The following KCTD8 variants were observed in gnomAD, a reference collection of about 807,000 sequenced individuals.
KCTD8 encodes the protein potassium channel tetramerization domain containing 8, also known as BTB/POZ domain-containing protein KCTD8.
KCTD8 carries 27 observed loss-of-function variants against 31.5 expected under a neutral mutation model. The observed-to-expected ratio is 0.86, with a 90% CI of 0.63 to 1.18. The LOEUF (loss-of-function observed/expected upper bound fraction) is 1.18, where lower values mean the gene tolerates loss of function less well. Among genes scored for constraint, KCTD8 ranks in the 50% most tolerant of loss-of-function variants. The probability of loss-of-function intolerance (pLI) is 0.00; values close to 1 mark genes in which losing one functional copy is unlikely to be tolerated. For synonymous variants in KCTD8, 290 were observed against 280.0 expected (o/e 1.04, Z -0.36); for missense variants, 658 against 647.7 (o/e 1.02, Z -0.17).
chr4:44,243,769 T>C (rs962810337), intron 1 of KCTD8, among the ~76,000 whole-genome samples: 5 of 152,104 alleles, frequency 3.3e-5, no homozygotes, highest in Non-Finnish European at 5.9e-5. Flanking sequence ...AGCAAAATAA[T>C]AGGAAGAGAA....
chr4:44,326,380 C>T (rs528019456), intron 1 of KCTD8, among the ~76,000 whole-genome samples: 2 of 151,280 alleles, frequency 1.3e-5, no homozygotes, highest in East Asian at 3.9e-4. Context: ...TATTTTGTAC[C>T]GTGTACTTTT....
chr4:44,213,168 C>A (rs928586812), intron 1 of KCTD8, among the ~76,000 whole-genome samples: 1 of 152,152 alleles, frequency 6.6e-6, no homozygotes, highest in African/African-American at 2.4e-5. Flanking sequence ...GATCTCCTGA[C>A]CTCGTGATCC....
At chr4:44,246,506 AAGGAAGTAGACTTCTTTCGG>A (rs1239955868) in intron 1 of KCTD8, among the ~76,000 whole-genome samples, 1 of 152,076 alleles carries the variant, frequency 6.6e-6, no homozygotes, top group African/African-American at 2.4e-5. Flanking sequence ...AGATAAAGGA[AAGGAAGTAGACTTCTTTCGG>A]AGGAAGTAGG....
chr4:44,256,591 T>C (rs1716000661), intron 1 of KCTD8, among the ~76,000 whole-genome samples: 1 of 151,898 alleles, frequency 6.6e-6, no homozygotes, highest in Non-Finnish European at 1.5e-5. Flanking sequence ...AGAGATTTTG[T>C]TGGTGTGATT....
chr4:44,199,063 T>C (rs1289496314), intron 1 of KCTD8, among the ~76,000 whole-genome samples: 3 of 151,994 alleles, frequency 2.0e-5, no homozygotes, highest in African/African-American at 7.2e-5. Flanking sequence ...AAGGGCATTA[T>C]ATAATAAAAA....
At chr4:44,293,608 C>A in intron 1 of KCTD8, 1 of 344,002 alleles carries the variant, frequency 2.9e-6, no homozygotes, top group Non-Finnish European at 5.6e-6. Flanking sequence ...TGCTAGATTT[C>A]TAGTCTTTAA....
intron 1 of KCTD8, among the ~76,000 whole-genome samples, chr4:44,189,594 T>A (rs1246969082): frequency 6.6e-6 from 1 of 152,090 alleles, no homozygotes; most frequent in African/African-American, 2.4e-5. Flanking sequence ...GACTCCATTT[T>A]CTCTTTCTAC....
intron 1 of KCTD8, among the ~76,000 whole-genome samples, chr4:44,244,039 CA>C (rs1715580122): frequency 6.6e-6 from 1 of 152,090 alleles, no homozygotes; most frequent in Admixed American, 6.6e-5. Context: ...GTAGGGTTGC[CA>C]GATAAAATAC....
intron 1 of KCTD8, among the ~76,000 whole-genome samples, chr4:44,300,885 G>A (rs1370123929): frequency 9.6e-6 from 1 of 103,794 alleles, no homozygotes; most frequent in Non-Finnish European, 1.8e-5. Flanking sequence ...CCCCACAACA[G>A]TCCCCAGAGT....
intron 1 of KCTD8, among the ~76,000 whole-genome samples, chr4:44,263,616 A>G (rs955526221): frequency 8.5e-5 from 13 of 152,286 alleles, no homozygotes; most frequent in African/African-American, 3.1e-4. Context: ...AAAGAATAGG[A>G]GAGCTACAGG....
chr4:44,244,846 G>GT (rs1363784745), intron 1 of KCTD8, among the ~76,000 whole-genome samples: 2 of 80,148 alleles, frequency 2.5e-5, no homozygotes, highest in East Asian at 3.7e-4. Flanking sequence ...CCCTGTAGTT[G>GT]TGGGGGGGGG....
chr4:44,439,870 C>T (rs1343301289), intron 1 of KCTD8, among the ~76,000 whole-genome samples: 2 of 151,374 alleles, frequency 1.3e-5, no homozygotes, highest in Non-Finnish European at 2.9e-5. Flanking sequence ...TTTTTGATCC[C>T]TTACAACTTC....
rs1720844215 is a variant in KCTD8 at position 44,407,969 on chromosome 4, C to CA, written c.961+39593dup. Among the ~76,000 whole-genome samples, 4 of 152,282 alleles carry CA rather than the reference C, an allele frequency of 2.6e-5. No homozygotes were observed. The South Asian group carries it at 8.3e-4, about 32-fold the overall frequency. ...CCTCCCACATTCTTACTGCCTATTGCATTTTCATCTTCCAGAGCTTACTAA... is the reference window on the plus strand; with the variant it reads ...CCTCCCACATTCTTACTGCCTATTGCAATTTTCATCTTCCAGAGCTTACTAA... On this transcript the variant is annotated intron_variant, in intron 1 of 1. Transcript: ENST00000360029.
intron 1 of KCTD8, among the ~76,000 whole-genome samples, chr4:44,277,311 A>G (rs1716778789): frequency 6.6e-6 from 1 of 151,928 alleles, no homozygotes; most frequent in African/African-American, 2.4e-5. Flanking sequence ...AATTTATATT[A>G]GCATATAAAG....
intron 1 of KCTD8, among the ~76,000 whole-genome samples, chr4:44,412,857 T>C (rs921424600): frequency 6.6e-6 from 1 of 152,208 alleles, no homozygotes; most frequent in Non-Finnish European, 1.5e-5. Context: ...TCTGAGACTT[T>C]GTGTAGATAA....
intron 1 of KCTD8, among the ~76,000 whole-genome samples, chr4:44,407,170 A>G (rs1018814188): frequency 6.6e-6 from 1 of 152,290 alleles, no homozygotes; most frequent in East Asian, 1.9e-4. Flanking sequence ...ATTATTTAAA[A>G]CACAGATTGC....
intron 1 of KCTD8, among the ~76,000 whole-genome samples, chr4:44,414,550 G>T (rs971325812): frequency 1.3e-5 from 2 of 152,100 alleles, no homozygotes; most frequent in African/African-American, 4.8e-5. Context: ...GACAAAAACT[G>T]GGTGGCCCCT....
intron 1 of KCTD8, among the ~76,000 whole-genome samples, chr4:44,373,943 G>A (rs907560269): frequency 1.3e-5 from 2 of 152,006 alleles, no homozygotes; most frequent in African/African-American, 4.8e-5. Context: ...TTAAAAGATC[G>A]GCTTAGTTAA....
At chr4:44,262,876 G>C (rs555513650) in intron 1 of KCTD8, among the ~76,000 whole-genome samples, 1 of 152,214 alleles carries the variant, frequency 6.6e-6, no homozygotes, top group South Asian at 2.1e-4. Flanking sequence ...GTACTCTCAA[G>C]GGTATCTTTC....
Sources: gnomAD v4.1 joint callset for allele counts (sites outside exome capture counted in the v4.1 genomes callset) on GRCh38, gnomAD v4.1.1 for gene constraint, MANE v1.5 for transcripts, NCBI Gene and HGNC (gene_info 2026-07-23, HGNC 2026-07-21) for gene names.